Variants in GRIP1 observed in about 807,000 individuals in gnomAD.
The protein encoded by GRIP1 is glutamate receptor-interacting protein 1.
GRIP1 carries 45 observed loss-of-function variants against 129.9 expected under a neutral mutation model. The ratio of observed to expected loss-of-function variants is 0.35; its 90% confidence interval spans 0.27 to 0.44. The LOEUF (loss-of-function observed/expected upper bound fraction) is 0.44. GRIP1 is among the 20% of genes least tolerant of loss of function. The pLI is 1.00. For missense variants in GRIP1, 1,196 were observed against 1,396.8 expected (o/e 0.86, Z 2.29); for synonymous variants, 530 against 520.8 (o/e 1.02, Z -0.24).
chr12:66,974,339 T>C (rs1487347943), intron 1 of GRIP1, among the ~76,000 whole-genome samples: 1 of 152,224 alleles, frequency 6.6e-6, no homozygotes, highest in Non-Finnish European at 1.5e-5. Flanking sequence ...TTCTCCTTAG[T>C]ACTTATACCC....
At chr12:66,989,079 A>G (rs919759126) in intron 1 of GRIP1, among the ~76,000 whole-genome samples, 1 of 152,194 alleles carries the variant, frequency 6.6e-6, no homozygotes, top group African/African-American at 2.4e-5. Context: ...GTCTCATAGG[A>G]CACCTTATAA....
intron 7 of GRIP1, among the ~76,000 whole-genome samples, chr12:66,477,417 T>G (rs941932163): frequency 2.0e-5 from 3 of 151,826 alleles, no homozygotes; most frequent in African/African-American, 7.3e-5. Context: ...TGCTCATAGA[T>G]AGGAAGAATC....
chr12:66,848,926 G>A lies in GRIP1; in HGVS notation c.58+220124C>T, dbSNP rs182083824. Among the ~76,000 whole-genome samples, 116 of 152,134 alleles carry A rather than the reference G, an allele frequency of 7.6e-4. 1 individual carries two copies. Among genetic ancestry groups the A allele is most frequent in the Admixed American group, 1.7e-3 (26 of 15,274 alleles). ...GATGGCAATTGATGGGCTGCTTTCC[G>A]GGATGGGATTCTGATTGCAAGTCTC... On this transcript the variant is annotated intron_variant, in intron 1 of 1. Coordinates refer to the GRIP1 transcript ENST00000643019.
At chr12:66,664,377 T>C (rs1199264710) in intron 1 of GRIP1, among the ~76,000 whole-genome samples, 1 of 152,222 alleles carries the variant, frequency 6.6e-6, no homozygotes, top group Non-Finnish European at 1.5e-5. Flanking sequence ...CACACCATAA[T>C]TATAGTCTCT....
intron 23 of GRIP1, among the ~76,000 whole-genome samples, chr12:66,360,766 C>G (rs2054718660): frequency 1.3e-5 from 2 of 152,202 alleles, no homozygotes; most frequent in African/African-American, 4.8e-5. Context: ...AGTTTTGACA[C>G]ATGTGAAAGG....
At chr12:66,793,890 T>C (rs2038618949) in intron 1 of GRIP1, among the ~76,000 whole-genome samples, 1 of 152,154 alleles carries the variant, frequency 6.6e-6, no homozygotes, top group Non-Finnish European at 1.5e-5. Context: ...ATAAAGATAA[T>C]AGTATTAGTC....
chr12:67,032,312 T>C (rs1434527710), intron 1 of GRIP1, among the ~76,000 whole-genome samples: 1 of 152,206 alleles, frequency 6.6e-6, no homozygotes, highest in Non-Finnish European at 1.5e-5. Flanking sequence ...CCAGAAAGGA[T>C]GTGTAGTCAC....
intron 7 of GRIP1, among the ~76,000 whole-genome samples, chr12:66,475,056 C>T (rs1448514150): frequency 6.6e-6 from 1 of 152,100 alleles, no homozygotes; most frequent in South Asian, 2.1e-4. Flanking sequence ...GAGTCAAGAC[C>T]CATCAGTGTG....
chr12:66,545,208 T>C (rs957971771), intron 2 of GRIP1, among the ~76,000 whole-genome samples: 5 of 152,226 alleles, frequency 3.3e-5, no homozygotes, highest in African/African-American at 9.6e-5. Flanking sequence ...GCTATACCAT[T>C]ACTTACTCAA....
At chr12:67,041,034 C>G (rs2043169527) in intron 1 of GRIP1, among the ~76,000 whole-genome samples, 1 of 152,066 alleles carries the variant, frequency 6.6e-6, no homozygotes, top group Admixed American at 6.5e-5. Context: ...AGCAGACTGC[C>G]TTTGGACTCA....
At position 67,012,115 on chromosome 12, in the gene GRIP1, A is replaced by C. The variant is rs184514176; in HGVS notation, c.58+56935T>G. Among the ~76,000 whole-genome samples, 24 of 152,270 alleles carry C rather than the reference A, an allele frequency of 1.6e-4. No homozygotes were observed. The East Asian group carries it at 4.1e-3, about 26-fold the overall frequency. On this transcript the variant is annotated intron_variant, in intron 1 of 1. Transcript: ENST00000643019. ...CAATAAGCAGTTGTTGAATGGATAA[A>C]ATCTGAAAGACTATCACAGTGAAAT...
chr12:66,876,843 T>G lies in GRIP1; in HGVS notation c.58+192207A>C, dbSNP rs552190101. On this transcript the variant is annotated intron_variant, in intron 1 of 1. Coordinates refer to the GRIP1 transcript ENST00000643019. ...GGAACAATTCCATCAAAGGAAAAATTTTTTCATGTTCTGCATGATTTACCA... is the reference window on the plus strand; with the variant it reads ...GGAACAATTCCATCAAAGGAAAAATGTTTTCATGTTCTGCATGATTTACCA... Among the ~76,000 whole-genome samples the G allele has an allele frequency of 2.0e-5, 3 of 152,060 alleles. No individual in the cohort carries two copies. The South Asian group carries it at 6.2e-4, about 32-fold the overall frequency.
Position 66,410,609 on chromosome 12 carries a change from C to T in GRIP1, c.1839-4181G>A, listed in dbSNP as rs1192283272. ...AGTGGGCCGAGATTGCACCACATCA[C>T]TCAGCCTGGGCATCAGAGTGAGACT... On this transcript the variant is annotated intron_variant, in intron 15 of 24. Coordinates refer to ENST00000359742, the MANE Select transcript of GRIP1 (RefSeq NM_001366722.1). Among the ~76,000 whole-genome samples the T allele has an allele frequency of 3.3e-5, 5 of 152,064 alleles. No individual in the cohort carries two copies. The South Asian group carries it at 1.0e-3, about 32-fold the overall frequency.
chr12:66,638,934 T>C (rs1247799973), intron 1 of GRIP1, among the ~76,000 whole-genome samples: 1 of 152,190 alleles, frequency 6.6e-6, no homozygotes, highest in East Asian at 1.9e-4. Flanking sequence ...GCTCCTTGTG[T>C]TTCAGTTTCT....
At chr12:66,833,473 C>T (rs1477438994) in intron 1 of GRIP1, among the ~76,000 whole-genome samples, 2 of 152,136 alleles carry the variant, frequency 1.3e-5, no homozygotes, top group East Asian at 3.9e-4. Context: ...GCTGAAGAAA[C>T]CAATGGCTAC....
intron 1 of GRIP1, among the ~76,000 whole-genome samples, chr12:66,879,955 T>G (rs956900142): frequency 6.6e-6 from 1 of 151,994 alleles, no homozygotes. Context: ...GTGAACCCAA[T>G]TAAGCAGAGG....
chr12:66,813,136 A>G (rs1482069460), intron 1 of GRIP1, among the ~76,000 whole-genome samples: 1 of 152,158 alleles, frequency 6.6e-6, no homozygotes, highest in Non-Finnish European at 1.5e-5. Flanking sequence ...CTGTACAGGA[A>G]ATGTGGTAAA....
At chr12:66,379,195 T>G in intron 20 of GRIP1, 85 bp downstream of exon 20, 2 of 1,288,390 alleles carry the variant, frequency 1.6e-6, no homozygotes, top group Non-Finnish European at 2.3e-6. Flanking sequence ...TAACAATATG[T>G]GCTACTGGAA....
At chr12:66,924,763 C>T (rs879450535) in intron 1 of GRIP1, among the ~76,000 whole-genome samples, 7 of 152,154 alleles carry the variant, frequency 4.6e-5, no homozygotes, top group East Asian at 1.9e-4. Flanking sequence ...GTCAGGAGAT[C>T]GAGACCATCC....
Sources: gnomAD v4.1 joint callset for allele counts (sites outside exome capture counted in the v4.1 genomes callset) on GRCh38, gnomAD v4.1.1 for gene constraint, MANE v1.5 for transcripts, NCBI Gene and HGNC (gene_info 2026-07-23, HGNC 2026-07-21) for gene names.